PDE11A: variants seen among roughly 807,000 people sequenced by gnomAD.
PDE11A encodes phosphodiesterase 11A.
Under a neutral mutation model 100.5 loss-of-function variants are expected in PDE11A, and 100 were observed. The ratio of observed to expected loss-of-function variants is 1.00; its 90% CI spans 0.85 to 1.18. The LOEUF (loss-of-function observed/expected upper bound fraction) is 1.18. Ranked by LOEUF, PDE11A falls within the 50% of genes most tolerant of loss-of-function variation. The pLI, the probability that PDE11A is intolerant of heterozygous loss-of-function variation, is 0.00. For missense variants in PDE11A, 1,141 were observed against 1,152.6 expected (o/e 0.99, Z 0.15); for synonymous variants, 381 against 420.8 (o/e 0.91, Z 1.16).
At chr2:177,826,416 C>T (rs1301652544) in intron 6 of PDE11A, among the ~76,000 whole-genome samples, 3 of 152,196 alleles carry the variant, frequency 2.0e-5, no homozygotes, top group Non-Finnish European at 4.4e-5. Context: ...TAAAGCAACA[C>T]TTTCTCCCCA....
chr2:177,713,269 A>T (rs2081384076), intron 12 of PDE11A, among the ~76,000 whole-genome samples: 1 of 152,152 alleles, frequency 6.6e-6, no homozygotes, highest in Admixed American at 6.5e-5. Flanking sequence ...TCGGCCTCTC[A>T]AAATGCTGGG....
At chr2:177,745,066 C>G (rs72949122) in intron 10 of PDE11A, among the ~76,000 whole-genome samples, 21 of 152,280 alleles carry the variant, frequency 1.4e-4, no homozygotes, top group Non-Finnish European at 2.8e-4. Flanking sequence ...TCTGTATGCC[C>G]TCCTCATTTT....
chr2:177,654,652 G>A (rs562128723), intron 19 of PDE11A, among the ~76,000 whole-genome samples: 1 of 152,314 alleles, frequency 6.6e-6, no homozygotes, highest in East Asian at 1.9e-4. Context: ...GTGGACAGTA[G>A]TATGAAGGGG....
chr2:178,004,772 C>G (rs1323131718), intron 2 of PDE11A, among the ~76,000 whole-genome samples: 1 of 152,068 alleles, frequency 6.6e-6, no homozygotes, highest in Non-Finnish European at 1.5e-5. Context: ...CCTTACCCCC[C>G]AAACTTTTCC....
chr2:178,090,240 G>C (rs2087404940), intron 2 of PDE11A, among the ~76,000 whole-genome samples: 1 of 152,142 alleles, frequency 6.6e-6, no homozygotes, highest in Admixed American at 6.5e-5. Flanking sequence ...ATGGATTTAA[G>C]CCTCTCAGAA....
intron 1 of PDE11A, among the ~76,000 whole-genome samples, chr2:178,069,664 T>A (rs1163137106): frequency 6.6e-6 from 1 of 151,784 alleles, no homozygotes; most frequent in Non-Finnish European, 1.5e-5. Context: ...CTCTGCAGAG[T>A]AAGGGTAGAG....
intron 1 of PDE11A, among the ~76,000 whole-genome samples, chr2:178,028,003 T>C (rs527528345): frequency 6.6e-6 from 1 of 152,322 alleles, no homozygotes; most frequent in East Asian, 1.9e-4. Flanking sequence ...GCCACAGCAG[T>C]GTGTTCCACC....
chr2:178,009,565 G>A (rs2086251818), intron 2 of PDE11A, among the ~76,000 whole-genome samples: 1 of 26,348 alleles, frequency 3.8e-5, no homozygotes, highest in African/African-American at 6.6e-5. Context: ...GGCAGAGGCT[G>A]GATGACTATC....
At chr2:177,687,682 CTG>C (rs2080973971) in intron 15 of PDE11A, 1 of 151,484 alleles carries the variant, frequency 6.6e-6, no homozygotes, top group South Asian at 2.1e-4. Context: ...TTCTCTCTCT[CTG>C]TGTATATGAA....
intron 2 of PDE11A, among the ~76,000 whole-genome samples, chr2:177,916,036 T>C (rs954401715): frequency 1.3e-5 from 2 of 152,202 alleles, no homozygotes; most frequent in Non-Finnish European, 2.9e-5. Flanking sequence ...ACATTCTTAT[T>C]TTCTGCAGCC....
At chr2:178,040,280 T>C (rs2086667807) in intron 1 of PDE11A, among the ~76,000 whole-genome samples, 1 of 152,050 alleles carries the variant, frequency 6.6e-6, no homozygotes, top group African/African-American at 2.4e-5. Context: ...GGTCTTGAAC[T>C]CCTGACCTCA....
intron 1 of PDE11A, among the ~76,000 whole-genome samples, chr2:178,033,063 G>A (rs979054398): frequency 2.0e-5 from 3 of 152,212 alleles, no homozygotes; most frequent in African/African-American, 7.2e-5. Flanking sequence ...CGAACTGACA[G>A]AAGTAGGCTT....
chr2:177,806,567 A>C lies in PDE11A; in HGVS notation c.1737+10262T>G, dbSNP rs564918335. On this transcript the variant is annotated intron_variant, in intron 9 of 19. Coordinates refer to ENST00000286063, the MANE Select transcript of PDE11A (RefSeq NM_016953.4). Reference sequence around the variant, plus strand: ...ATTTAGTTCAAACAAATCTAGTAAAAATATTATTTACTTTTGTCCTTCTAT... The same window carrying C: ...ATTTAGTTCAAACAAATCTAGTAAACATATTATTTACTTTTGTCCTTCTAT... Among the ~76,000 whole-genome samples the C allele has an allele frequency of 4.6e-5, 7 of 152,324 alleles. No homozygotes were observed. The East Asian group carries it at 1.3e-3, about 29-fold the overall frequency.
At chr2:177,737,410 C>G (rs182750381) in intron 10 of PDE11A, among the ~76,000 whole-genome samples, 1 of 147,858 alleles carries the variant, frequency 6.8e-6, no homozygotes, top group African/African-American at 2.5e-5. Context: ...AACCCCGTCT[C>G]TACTAAAAAT....
chr2:177,958,302 C>A (rs571550639), intron 2 of PDE11A, among the ~76,000 whole-genome samples: 2 of 152,150 alleles, frequency 1.3e-5, no homozygotes, highest in African/African-American at 4.8e-5. Context: ...ATGACCTTGA[C>A]GGAGAAATGT....
intron 1 of PDE11A, among the ~76,000 whole-genome samples, chr2:178,032,932 T>A (rs1004183318): frequency 2.6e-5 from 4 of 151,860 alleles, no homozygotes; most frequent in Admixed American, 6.6e-5. Flanking sequence ...TCCATGAAGA[T>A]GAGAAAAAAA....
chr2:177,640,239 G>A (rs1429623408), intron 19 of PDE11A, among the ~76,000 whole-genome samples: 1 of 152,130 alleles, frequency 6.6e-6, no homozygotes, highest in African/African-American at 2.4e-5. Flanking sequence ...CTTATCTTAC[G>A]TATCTGTTTG....
At chr2:177,648,268 G>C (rs905567501) in intron 19 of PDE11A, among the ~76,000 whole-genome samples, 1 of 152,178 alleles carries the variant, frequency 6.6e-6, no homozygotes, top group African/African-American at 2.4e-5. Context: ...CCCGGTAGAA[G>C]GTATGTTATT....
chr2:177,632,179 G>A (rs2079961258), intron 19 of PDE11A, among the ~76,000 whole-genome samples: 1 of 152,178 alleles, frequency 6.6e-6, no homozygotes, highest in Non-Finnish European at 1.5e-5. Context: ...AAAGAGTCAA[G>A]AAGAAAAACC....
Sources: gnomAD v4.1 joint callset for allele counts (sites outside exome capture counted in the v4.1 genomes callset) on GRCh38, gnomAD v4.1.1 for gene constraint, MANE v1.5 for transcripts, NCBI Gene and HGNC (gene_info 2026-07-23, HGNC 2026-07-21) for gene names.